CNTNAP4: variants seen among roughly 807,000 people sequenced by gnomAD.
CNTNAP4 encodes contactin associated protein family member 4, also known as contactin-associated protein-like 4.
Under a neutral mutation model 148.4 loss-of-function variants are expected in CNTNAP4, and 98 were observed. That is an observed-to-expected ratio of 0.66 (90% CI 0.56 to 0.78). The LOEUF (loss-of-function observed/expected upper bound fraction) is 0.78, where lower values mean the gene tolerates loss of function less well. CNTNAP4 is among the 30% of genes least tolerant of loss of function. The pLI, the probability that CNTNAP4 is intolerant of heterozygous loss-of-function variation, is 0.00. For missense variants in CNTNAP4, 1,935 were observed against 1,565.6 expected (o/e 1.24, Z -3.98); for synonymous variants, 730 against 565.1 (o/e 1.29, Z -4.14).
At chr16:76,474,331 G>A (rs1265471049) in intron 10 of CNTNAP4, among the ~76,000 whole-genome samples, 1 of 152,164 alleles carries the variant, frequency 6.6e-6, no homozygotes, top group Non-Finnish European at 1.5e-5. Context: ...GACAAAGAAA[G>A]AATTGATCAC....
intron 3 of CNTNAP4, among the ~76,000 whole-genome samples, chr16:76,376,500 GA>G (rs1361193879): frequency 3.4e-5 from 5 of 146,438 alleles, no homozygotes; most frequent in African/African-American, 9.8e-5. Flanking sequence ...CTATATAAAG[GA>G]CCTTTCATAT....
At chr16:76,334,231 C>T (rs1963821121) in intron 2 of CNTNAP4, among the ~76,000 whole-genome samples, 1 of 151,582 alleles carries the variant, frequency 6.6e-6, no homozygotes, top group Admixed American at 6.6e-5. Flanking sequence ...CATGTATAGT[C>T]TTTGAGGTTT....
chr16:76,482,736 A>G (rs781106798), intron 12 of CNTNAP4, among the ~76,000 whole-genome samples: 6 of 152,208 alleles, frequency 3.9e-5, no homozygotes, highest in African/African-American at 9.6e-5. Flanking sequence ...TGTCTTCTCA[A>G]TGAAGCTCTC....
chr16:76,382,935 A>C (rs1246394168), intron 3 of CNTNAP4, among the ~76,000 whole-genome samples: 1 of 152,236 alleles, frequency 6.6e-6, no homozygotes, highest in Non-Finnish European at 1.5e-5. Context: ...TTCACTGGCC[A>C]AATGAAGTAA....
intron 1 of CNTNAP4, among the ~76,000 whole-genome samples, chr16:76,284,769 G>A (rs1958816964): frequency 6.6e-6 from 1 of 151,930 alleles, no homozygotes; most frequent in Non-Finnish European, 1.5e-5. Context: ...GCCTGTATGT[G>A]TATGCATGCA....
intron 1 of CNTNAP4, among the ~76,000 whole-genome samples, chr16:76,311,992 G>A (rs1438360239): frequency 6.6e-6 from 1 of 152,136 alleles, no homozygotes; most frequent in Non-Finnish European, 1.5e-5. Context: ...GTATACTCAC[G>A]TGCAGTGAAT....
intron 10 of CNTNAP4, among the ~76,000 whole-genome samples, chr16:76,468,455 C>T (rs1031925692): frequency 6.6e-6 from 1 of 152,042 alleles, no homozygotes; most frequent in African/African-American, 2.4e-5. Context: ...GCCTGGGCGA[C>T]AGAGCGAGAC....
chr16:76,488,273 C>T (rs967632069), intron 12 of CNTNAP4, among the ~76,000 whole-genome samples: 18 of 152,092 alleles, frequency 1.2e-4, no homozygotes, highest in African/African-American at 3.9e-4. Context: ...TAATTGACTT[C>T]GACATTATAC....
chr16:76,321,824 T>A (rs1448373605), intron 2 of CNTNAP4, among the ~76,000 whole-genome samples: 4 of 151,110 alleles, frequency 2.6e-5, no homozygotes, highest in Admixed American at 6.6e-5. Context: ...AATAATTAAA[T>A]TTTTAAAATG....
At chr16:76,309,744 G>C in intron 1 of CNTNAP4, 1 of 655,562 alleles carries the variant, frequency 1.5e-6, no homozygotes, top group Non-Finnish European at 2.8e-6. Flanking sequence ...ATTGAATTGG[G>C]GTTTGGGCGG....
chr16:76,285,137 G>A (rs1447761776), intron 1 of CNTNAP4, among the ~76,000 whole-genome samples: 1 of 151,968 alleles, frequency 6.6e-6, no homozygotes, highest in Admixed American at 6.6e-5. Flanking sequence ...GTATTTGGAA[G>A]AGGAAGTGGA....
At chr16:76,372,373 T>C (rs2014940290) in intron 3 of CNTNAP4, among the ~76,000 whole-genome samples, 1 of 151,740 alleles carries the variant, frequency 6.6e-6, no homozygotes, top group Non-Finnish European at 1.5e-5. Context: ...TGGTCTCGAT[T>C]TCCTGACCTC....
chr16:76,485,432 A>G lies in CNTNAP4; in HGVS notation c.1883-4254A>G, dbSNP rs139426054. Among the ~76,000 whole-genome samples, 12 of 152,308 alleles carry G rather than the reference A, an allele frequency of 7.9e-5. No individual in the cohort carries two copies. The East Asian group carries it at 2.3e-3, about 29-fold the overall frequency. Reference sequence around the variant, plus strand: ...GTGCCCAGCCTTCATTGCTTTTTCTATAATGAAATTGTTTTATGTTCAAGA... The same window carrying G: ...GTGCCCAGCCTTCATTGCTTTTTCTGTAATGAAATTGTTTTATGTTCAAGA... On this transcript the variant is annotated intron_variant, in intron 12 of 23. Coordinates refer to ENST00000611870, the MANE Select transcript of CNTNAP4 (RefSeq NM_033401.5).
At chr16:76,398,940 G>A (rs75710549) in intron 3 of CNTNAP4, among the ~76,000 whole-genome samples, 5 of 152,114 alleles carry the variant, frequency 3.3e-5, no homozygotes, top group Admixed American at 6.5e-5. Context: ...GTGTCAAGGG[G>A]GGGTCCAGGT....
chr16:76,397,502 G>A (rs886936258), intron 3 of CNTNAP4, among the ~76,000 whole-genome samples: 10 of 151,970 alleles, frequency 6.6e-5, no homozygotes, highest in African/African-American at 2.4e-4. Context: ...TGTGGAGACA[G>A]CACACATCAG....
chr16:76,467,569 A>G (rs2081219857), intron 10 of CNTNAP4, 46 bp downstream of exon 10: 3 of 1,489,894 alleles, frequency 2.0e-6, no homozygotes, highest in Admixed American at 2.3e-5. Context: ...AAACTTTGGC[A>G]TCAGATTAAA....
chr16:76,392,677 A>T (rs1026440452), intron 3 of CNTNAP4, among the ~76,000 whole-genome samples: 2 of 152,186 alleles, frequency 1.3e-5, no homozygotes, highest in African/African-American at 4.8e-5. Context: ...CCTCAGTCAA[A>T]CACAAAGAAA....
intron 21 of CNTNAP4, among the ~76,000 whole-genome samples, chr16:76,545,919 C>T (rs921602833): frequency 2.6e-5 from 4 of 152,004 alleles, no homozygotes; most frequent in Non-Finnish European, 5.9e-5. Flanking sequence ...CCCGTAGTCT[C>T]AGCTACTCAG....
chr16:76,298,465 T>C lies in CNTNAP4; in HGVS notation c.86-17948T>C, dbSNP rs1959546711. ...TCTTTGGATTACCCCATTCATTGTG[T>C]GTGCACATGTGTGTACATGTATGTG... On this transcript the variant is annotated intron_variant, in intron 1 of 23. Coordinates refer to ENST00000611870, the MANE Select transcript of CNTNAP4 (RefSeq NM_033401.5). 6.6e-5 allele frequency among the ~76,000 whole-genome samples: 10 copies of C among 151,248 alleles called. No individual in the cohort carries two copies. The Admixed American group carries it at 6.6e-4, about 10-fold the overall frequency.
Sources: allele counts gnomAD v4.1 joint callset (sites outside exome capture counted in the v4.1 genomes callset), GRCh38; gene constraint gnomAD v4.1.1; transcripts MANE v1.5; gene names NCBI Gene and HGNC (gene_info 2026-07-23, HGNC 2026-07-21).